The following RBFOX1 variants were observed in gnomAD, a reference collection of about 807,000 sequenced individuals.
RBFOX1 encodes RNA binding fox-1 homolog 1.
A neutral mutation model predicts 57.7 loss-of-function variants in RBFOX1; 8 were observed. The ratio of observed to expected loss-of-function variants is 0.14; its 90% CI spans 0.08 to 0.25. The LOEUF (loss-of-function observed/expected upper bound fraction) is 0.25. Among genes scored for constraint, RBFOX1 ranks in the 10% least tolerant of loss-of-function variants. The probability of loss-of-function intolerance (pLI) is 1.00; values close to 1 mark genes in which losing one functional copy is unlikely to be tolerated. For synonymous variants in RBFOX1, 326 were observed against 222.4 expected, an observed-to-expected ratio of 1.47 and a Z score of -4.15; for missense variants, 611 against 548.5, an observed-to-expected ratio of 1.11 and a Z score of -1.14.
chr16:6,857,064 C>G (rs980723858), intron 3 of RBFOX1, among the ~76,000 whole-genome samples: 6 of 152,090 alleles, frequency 3.9e-5, no homozygotes, highest in Non-Finnish European at 7.3e-5. Context: ...TCATTGCTGG[C>G]TGGTTGTCTT....
At chr16:7,010,306 C>T (rs769573448) in intron 3 of RBFOX1, among the ~76,000 whole-genome samples, 1 of 152,210 alleles carries the variant, frequency 6.6e-6, no homozygotes, top group Admixed American at 6.5e-5. Context: ...TTAGAGAACA[C>T]TAGAGAAAGA....
chr16:7,144,044 G>T (rs1484379721), intron 4 of RBFOX1, among the ~76,000 whole-genome samples: 1 of 152,142 alleles, frequency 6.6e-6, no homozygotes, highest in African/African-American at 2.4e-5. Flanking sequence ...GGTCCGTAAA[G>T]GCTGAGTTTC....
rs140312785 is a variant in RBFOX1 at position 6,754,789 on chromosome 16, G to A, written c.-16+100139G>A. Among the ~76,000 whole-genome samples, 193 of 152,062 alleles carry A rather than the reference G, an allele frequency of 1.3e-3. 6 individuals are homozygous for A. In the East Asian group the frequency reaches 0.035, roughly 28 times the overall value. Reference sequence around the variant, plus strand: ...TACATATGTATACATGTGCCATGCTGGTGTGCTCCACCCATTAACTCGTCA... The same window carrying A: ...TACATATGTATACATGTGCCATGCTAGTGTGCTCCACCCATTAACTCGTCA... On this transcript the variant is annotated intron_variant, in intron 3 of 15. Coordinates refer to ENST00000550418, the MANE Select transcript of RBFOX1 (RefSeq NM_018723.4).
At chr16:7,580,396 G>A (rs1281279893) in intron 6 of RBFOX1, among the ~76,000 whole-genome samples, 2 of 152,238 alleles carry the variant, frequency 1.3e-5, no homozygotes, top group South Asian at 4.2e-4. Context: ...CATCAGCAGA[G>A]AACAACTACT....
intron 1 of RBFOX1, among the ~76,000 whole-genome samples, chr16:5,275,924 C>A (rs887173609): frequency 9.2e-5 from 14 of 152,064 alleles, no homozygotes; most frequent in Non-Finnish European, 1.9e-4. Context: ...TAAACAAAAG[C>A]AAAGTAAGGA....
chr16:7,284,983 C>T (rs1020119599), intron 4 of RBFOX1, among the ~76,000 whole-genome samples: 2 of 151,940 alleles, frequency 1.3e-5, no homozygotes, highest in Admixed American at 6.6e-5. Context: ...AACGCCTCAT[C>T]CCTCCGTTGC....
At chr16:5,809,423 A>G (rs2055343280) in intron 3 of RBFOX1, among the ~76,000 whole-genome samples, 1 of 127,526 alleles carries the variant, frequency 7.8e-6, no homozygotes, top group Non-Finnish European at 1.8e-5. Context: ...CAACCTACTC[A>G]TCTGACAAAG....
intron 1 of RBFOX1, among the ~76,000 whole-genome samples, chr16:6,071,618 G>A (rs1227964073): frequency 6.6e-6 from 1 of 152,126 alleles, no homozygotes; most frequent in Non-Finnish European, 1.5e-5. Context: ...CTTAAAAATC[G>A]ATTAACACAT....
intron 4 of RBFOX1, among the ~76,000 whole-genome samples, chr16:7,330,335 A>T (rs2096668036): frequency 6.6e-6 from 1 of 150,752 alleles, no homozygotes; most frequent in Non-Finnish European, 1.5e-5. Context: ...TCTATTGTTT[A>T]GGAAATAATG....
rs866581257 is a variant in RBFOX1, at chr16:5,561,724, G to C, written c.259-37178G>C. On this transcript the variant is annotated intron_variant, in intron 2 of 2. Coordinates refer to the RBFOX1 transcript ENST00000585867. ...ATCTTATCTCCAGGAGGGTCCCCAG[G>C]ACTTACTGGGCAATCTGCTCCCTTC... is the stretch of plus-strand genomic sequence containing the variant. 2.0e-5 allele frequency among the ~76,000 whole-genome samples: 3 copies of C among 152,094 alleles called. No individual in the cohort carries two copies. In the East Asian group the frequency reaches 5.8e-4, roughly 29 times the overall value.
At chr16:7,406,756 G>C (rs528059796) in intron 4 of RBFOX1, among the ~76,000 whole-genome samples, 1 of 152,256 alleles carries the variant, frequency 6.6e-6, no homozygotes, top group South Asian at 2.1e-4. Flanking sequence ...CTCTCTTAGC[G>C]TTCCAGAGGC....
At chr16:7,665,316 A>T (rs571208971) in intron 13 of RBFOX1, among the ~76,000 whole-genome samples, 1 of 152,318 alleles carries the variant, frequency 6.6e-6, no homozygotes, top group East Asian at 1.9e-4. Flanking sequence ...TATAATATTT[A>T]GGATAACAGC....
intron 7 of RBFOX1, among the ~76,000 whole-genome samples, chr16:7,592,047 T>C (rs1373623117): frequency 6.6e-6 from 1 of 152,014 alleles, no homozygotes; most frequent in Non-Finnish European, 1.5e-5. Context: ...ATGCCACTTC[T>C]TGTCTGGGTG....
At chr16:7,704,273 AT>A (rs1555803114) in intron 14 of RBFOX1, among the ~76,000 whole-genome samples, 1 of 152,234 alleles carries the variant, frequency 6.6e-6, no homozygotes, top group Non-Finnish European at 1.5e-5. Flanking sequence ...GCCATGGTGA[AT>A]TAGCCAGGAA....
chr16:6,396,470 A>T (rs2092839285), intron 2 of RBFOX1, among the ~76,000 whole-genome samples: 1 of 152,190 alleles, frequency 6.6e-6, no homozygotes, highest in African/African-American at 2.4e-5. Context: ...TTTACCTATA[A>T]AATCTACACA....
chr16:7,127,532 G>T (rs2068924837), intron 4 of RBFOX1, among the ~76,000 whole-genome samples: 1 of 152,174 alleles, frequency 6.6e-6, no homozygotes, highest in Admixed American at 6.5e-5. Flanking sequence ...TTGGTATATG[G>T]TGTGTACTGT....
At chr16:5,857,300 C>T (rs1441158515) in intron 3 of RBFOX1, among the ~76,000 whole-genome samples, 3 of 151,996 alleles carry the variant, frequency 2.0e-5, no homozygotes, top group African/African-American at 7.2e-5. Flanking sequence ...ATAGCAGTAT[C>T]AAAGATCACT....
At chr16:7,351,330 G>C (rs1443492071) in intron 4 of RBFOX1, among the ~76,000 whole-genome samples, 3 of 152,216 alleles carry the variant, frequency 2.0e-5, no homozygotes, top group Non-Finnish European at 2.9e-5. Flanking sequence ...GCATTGACTG[G>C]TTAGTTCATT....
At chr16:6,593,547 G>A (rs972668624) in intron 2 of RBFOX1, among the ~76,000 whole-genome samples, 2 of 152,114 alleles carry the variant, frequency 1.3e-5, no homozygotes, top group Admixed American at 6.5e-5. Context: ...GAGGATTGTG[G>A]CTTTGCTTTG....
Sources: gnomAD v4.1 joint callset for allele counts (sites outside exome capture counted in the v4.1 genomes callset) on GRCh38, gnomAD v4.1.1 for gene constraint, MANE v1.5 for transcripts, NCBI Gene and HGNC (gene_info 2026-07-23, HGNC 2026-07-21) for gene names.